The following PVT1 variants were observed in gnomAD, a reference collection of about 807,000 sequenced individuals.
The protein encoded by PVT1 is Pvt1 oncogene, also known as CXCR4/PVT1 fusion.
intron 3 of PVT1, among the ~76,000 whole-genome samples, chr8:127,975,591 G>A (rs1224675718): frequency 6.6e-6 from 1 of 152,146 alleles, no homozygotes; most frequent in Admixed American, 6.5e-5. Context: ...TAGCACACTG[G>A]CCCCTGAGTT....
chr8:127,911,847 G>C (rs527690726), intron 3 of PVT1, among the ~76,000 whole-genome samples: 4 of 152,232 alleles, frequency 2.6e-5, no homozygotes, highest in Non-Finnish European at 5.9e-5. Flanking sequence ...TTGGCCTCAG[G>C]CCCTTATCTT....
intron 4 of PVT1, among the ~76,000 whole-genome samples, chr8:128,069,688 A>G (rs1454387198): frequency 6.6e-6 from 1 of 152,172 alleles, no homozygotes; most frequent in Non-Finnish European, 1.5e-5. Context: ...GGATGCTCAC[A>G]TAACAGCTCT....
intron 5 of PVT1, among the ~76,000 whole-genome samples, chr8:128,070,512 A>G (rs1417199022): frequency 2.6e-5 from 4 of 152,210 alleles, no homozygotes; most frequent in Admixed American, 6.5e-5. Flanking sequence ...AGATGCATCA[A>G]AAAGGATGCA....
intron 5 of PVT1, among the ~76,000 whole-genome samples, chr8:128,089,694 G>A (rs184863344): frequency 3.3e-5 from 5 of 152,334 alleles, no homozygotes; most frequent in African/African-American, 1.2e-4. Context: ...GGAAAAGTAT[G>A]TTGAGATTAG....
At chr8:128,033,319 G>A (rs544848478) in intron 4 of PVT1, among the ~76,000 whole-genome samples, 96 of 152,280 alleles carry the variant, frequency 6.3e-4, no homozygotes, top group African/African-American at 2.1e-3. Flanking sequence ...CCATGTGTGT[G>A]TGCATGTGTG....
chr8:128,043,454 G>T (rs1306864821), intron 4 of PVT1, among the ~76,000 whole-genome samples: 5 of 152,136 alleles, frequency 3.3e-5, no homozygotes, highest in African/African-American at 1.2e-4. Context: ...AACAAAATCA[G>T]ACTGGAAGCT....
intron 3 of PVT1, among the ~76,000 whole-genome samples, chr8:127,965,636 G>C (rs1319102925): frequency 6.6e-6 from 1 of 152,244 alleles, no homozygotes. Flanking sequence ...GGATGTGTCA[G>C]TTGCAGGCAC....
chr8:127,940,152 C>T (rs901720686), intron 3 of PVT1: 1 of 152,204 alleles, frequency 6.6e-6, no homozygotes, highest in Non-Finnish European at 1.5e-5. Context: ...TCTCTAGACT[C>T]ATTATTTCCC....
chr8:128,014,182 G>T (rs1817345694), intron 4 of PVT1, among the ~76,000 whole-genome samples: 1 of 152,170 alleles, frequency 6.6e-6, no homozygotes. Context: ...CCCTCCCAGG[G>T]TTTAGGTCAC....
chr8:128,027,452 C>G (rs968034179), intron 4 of PVT1, among the ~76,000 whole-genome samples: 1 of 152,212 alleles, frequency 6.6e-6, no homozygotes, highest in African/African-American at 2.4e-5. Flanking sequence ...CACTCCTACC[C>G]ATGCACTGAT....
chr8:127,872,060 C>G (rs537124512), intron 2 of PVT1, among the ~76,000 whole-genome samples: 2 of 152,072 alleles, frequency 1.3e-5, no homozygotes, highest in Non-Finnish European at 2.9e-5. Context: ...CCATTGCACT[C>G]CAGCCTGGGG....
intron 3 of PVT1, among the ~76,000 whole-genome samples, chr8:127,953,832 TC>T (rs1816537482): frequency 6.6e-6 from 1 of 152,188 alleles, no homozygotes. Context: ...TTCTTTTGTT[TC>T]CTTTTCTTTT....
At chr8:127,960,202 T>G (rs1041120198) in intron 3 of PVT1, among the ~76,000 whole-genome samples, 1 of 152,108 alleles carries the variant, frequency 6.6e-6, no homozygotes, top group Admixed American at 6.5e-5. Flanking sequence ...AGTTGGAGGG[T>G]CCGTGAGTCT....
chr8:128,027,560 T>C (rs1263241848), intron 4 of PVT1, among the ~76,000 whole-genome samples: 1 of 152,184 alleles, frequency 6.6e-6, no homozygotes, highest in African/African-American at 2.4e-5. Context: ...CCAGAGTCAG[T>C]GATGGAATCA....
intron 3 of PVT1, among the ~76,000 whole-genome samples, chr8:127,926,912 G>A (rs1038975938): frequency 6.6e-6 from 1 of 152,206 alleles, no homozygotes; most frequent in Middle Eastern, 3.4e-3. Context: ...CAGGCTAATC[G>A]GACACGAGGA....
intron 4 of PVT1, among the ~76,000 whole-genome samples, chr8:128,028,653 C>T (rs1813349155): frequency 6.6e-6 from 1 of 152,138 alleles, no homozygotes; most frequent in African/African-American, 2.4e-5. Context: ...ATAGAGCACC[C>T]AGTTCACCGG....
chr8:128,031,007 C>T (rs1293379961), intron 4 of PVT1, among the ~76,000 whole-genome samples: 1 of 152,244 alleles, frequency 6.6e-6, no homozygotes, highest in Non-Finnish European at 1.5e-5. Context: ...CTCTTTCACA[C>T]CAAAGTTCTC....
chr8:127,815,547 G>T (rs889096536), intron 2 of PVT1, among the ~76,000 whole-genome samples: 2 of 152,056 alleles, frequency 1.3e-5, no homozygotes, highest in Non-Finnish European at 2.9e-5. Flanking sequence ...CAGTGCTTTC[G>T]GCAGCTTGAT....
At chr8:127,831,715 G>A (rs1407234157) in intron 2 of PVT1, among the ~76,000 whole-genome samples, 1 of 152,184 alleles carries the variant, frequency 6.6e-6, no homozygotes, top group Non-Finnish European at 1.5e-5. Flanking sequence ...TAAGGAAGGA[G>A]GAGAGTCATC....
Sources: gnomAD v4.1 joint callset for allele counts (sites outside exome capture counted in the v4.1 genomes callset) on GRCh38, gnomAD v4.1.1 for gene constraint, MANE v1.5 for transcripts, NCBI Gene and HGNC (gene_info 2026-07-23, HGNC 2026-07-21) for gene names.